SNTG1: variants seen among roughly 807,000 people sequenced by gnomAD.
SNTG1 encodes syntrophin gamma 1, also known as gamma-1-syntrophin.
SNTG1 carries 39 observed loss-of-function variants against 74.7 expected under a neutral mutation model. The observed-to-expected ratio is 0.52, with a 90% CI of 0.40 to 0.68. The LOEUF (loss-of-function observed/expected upper bound fraction) is 0.68, where lower values mean the gene tolerates loss of function less well. Ranked by LOEUF, SNTG1 falls within the 30% of genes least tolerant of loss-of-function variation. The pLI, the probability that SNTG1 is intolerant of heterozygous loss-of-function variation, is 0.00. For missense variants in SNTG1, 685 were observed against 609.5 expected (o/e 1.12, Z -1.30); for synonymous variants, 254 against 217.1 (o/e 1.17, Z -1.49).
chr8:50,461,774 C>T (rs2093565092), intron 8 of SNTG1, among the ~76,000 whole-genome samples: 1 of 151,978 alleles, frequency 6.6e-6, no homozygotes, highest in African/African-American at 2.4e-5. Flanking sequence ...CTGGCACTAA[C>T]ATACTTTTCA....
chr8:50,015,136 TA>T (rs1449551374), intron 1 of SNTG1, among the ~76,000 whole-genome samples: 1 of 151,748 alleles, frequency 6.6e-6, no homozygotes, highest in African/African-American at 2.4e-5. Flanking sequence ...TTGAAATAAT[TA>T]AAGCAAAATA....
chr8:50,264,362 G>C (rs1370286289), intron 2 of SNTG1, among the ~76,000 whole-genome samples: 1 of 152,056 alleles, frequency 6.6e-6, no homozygotes, highest in African/African-American at 2.4e-5. Flanking sequence ...GAGGTCAGGA[G>C]TTCGAGACCA....
intron 8 of SNTG1, chr8:50,491,584 C>G (rs928317274): frequency 3.3e-5 from 5 of 152,244 alleles, no homozygotes; most frequent in Admixed American, 1.3e-4. Context: ...CATCGGAGTA[C>G]GTGCGCAGCA....
chr8:49,938,749 C>T (rs893988591), intron 1 of SNTG1, among the ~76,000 whole-genome samples: 2 of 145,600 alleles, frequency 1.4e-5, no homozygotes, highest in Admixed American at 1.4e-4. Flanking sequence ...TATTTTTTTC[C>T]TATGAAAATA....
chr8:50,279,321 T>G (rs1438803354), intron 2 of SNTG1, among the ~76,000 whole-genome samples: 1 of 152,134 alleles, frequency 6.6e-6, no homozygotes, highest in Admixed American at 6.5e-5. Flanking sequence ...TGATTTTTGG[T>G]TCTTGCTTCT....
intron 15 of SNTG1, among the ~76,000 whole-genome samples, chr8:50,702,445 C>T (rs1436812679): frequency 6.6e-6 from 1 of 152,122 alleles, no homozygotes; most frequent in Non-Finnish European, 1.5e-5. Flanking sequence ...AAATGCCTTC[C>T]ATTAGCTCTC....
At chr8:50,147,534 A>G (rs1049596543) in intron 1 of SNTG1, among the ~76,000 whole-genome samples, 1 of 152,202 alleles carries the variant, frequency 6.6e-6, no homozygotes, top group Non-Finnish European at 1.5e-5. Flanking sequence ...GTAATAAAAT[A>G]TAAGTAATGG....
chr8:50,477,746 T>G (rs2093708346), intron 8 of SNTG1, among the ~76,000 whole-genome samples: 2 of 152,204 alleles, frequency 1.3e-5, no homozygotes, highest in Admixed American at 6.5e-5. Context: ...ACATGGGAAC[T>G]CTCTGTGCTG....
intron 1 of SNTG1, among the ~76,000 whole-genome samples, chr8:49,983,796 C>A (rs570405138): frequency 5.8e-4 from 89 of 152,336 alleles, no homozygotes; most frequent in African/African-American, 1.9e-3. Context: ...GAATTCTTGT[C>A]TTGCCCCCGT....
At chr8:50,025,478 C>CA (rs908138985) in intron 1 of SNTG1, among the ~76,000 whole-genome samples, 3 of 151,912 alleles carry the variant, frequency 2.0e-5, no homozygotes, top group African/African-American at 7.3e-5. Flanking sequence ...AGCCACCAGG[C>CA]AAAAAGTATA....
intron 2 of SNTG1, among the ~76,000 whole-genome samples, chr8:50,347,881 A>T (rs1201982088): frequency 6.6e-6 from 1 of 152,242 alleles, no homozygotes; most frequent in Non-Finnish European, 1.5e-5. Flanking sequence ...GGGAAATAAC[A>T]AATTTCCGGG....
chr8:50,575,449 G>C (rs922991557), intron 12 of SNTG1, among the ~76,000 whole-genome samples: 2 of 152,088 alleles, frequency 1.3e-5, no homozygotes, highest in African/African-American at 4.8e-5. Context: ...TTGTGGGGTG[G>C]CATCTTGAGT....
intron 17 of SNTG1, among the ~76,000 whole-genome samples, chr8:50,725,270 C>T (rs1166571423): frequency 6.6e-6 from 1 of 152,032 alleles, no homozygotes; most frequent in Non-Finnish European, 1.5e-5. Flanking sequence ...CAGTTATTCC[C>T]ATGGTGAATG....
intron 17 of SNTG1, among the ~76,000 whole-genome samples, chr8:50,737,021 A>G (rs1357083930): frequency 1.3e-5 from 2 of 152,070 alleles, no homozygotes; most frequent in Non-Finnish European, 2.9e-5. Context: ...GTAAAAGCAA[A>G]CAAATTCAAA....
intron 4 of SNTG1, among the ~76,000 whole-genome samples, chr8:50,407,343 T>C (rs1418917021): frequency 6.6e-6 from 1 of 152,120 alleles, no homozygotes; most frequent in Non-Finnish European, 1.5e-5. Context: ...GGATGCTATT[T>C]TGTTATCTAG....
At chr8:50,189,744 A>C (rs923603119) in intron 2 of SNTG1, among the ~76,000 whole-genome samples, 1 of 152,170 alleles carries the variant, frequency 6.6e-6, no homozygotes, top group Non-Finnish European at 1.5e-5. Flanking sequence ...CATTTAATAC[A>C]TTTCAGAAGA....
chr8:50,646,583 T>C (rs78256193), intron 13 of SNTG1, among the ~76,000 whole-genome samples: 7,873 of 152,304 alleles, frequency 0.052, 303 homozygotes, highest in Non-Finnish European at 0.085. Flanking sequence ...TTATTTATTA[T>C]GAACATGTTG....
intron 9 of SNTG1, among the ~76,000 whole-genome samples, chr8:50,513,815 C>T (rs2094107957): frequency 6.6e-6 from 1 of 152,230 alleles, no homozygotes; most frequent in South Asian, 2.1e-4. Flanking sequence ...CTATCTGTCA[C>T]CCCTTTCTTT....
intron 4 of SNTG1, among the ~76,000 whole-genome samples, chr8:50,429,637 G>A (rs1312806131): frequency 6.6e-6 from 1 of 151,910 alleles, no homozygotes; most frequent in East Asian, 1.9e-4. Context: ...ACAGATAAAT[G>A]GCACATCATA....
Sources: gnomAD v4.1 joint callset for allele counts (sites outside exome capture counted in the v4.1 genomes callset) on GRCh38, gnomAD v4.1.1 for gene constraint, MANE v1.5 for transcripts, NCBI Gene and HGNC (gene_info 2026-07-23, HGNC 2026-07-21) for gene names.